Variants in LAMA2 observed in about 807,000 individuals in gnomAD.
LAMA2 encodes the protein laminin subunit alpha-2.
LAMA2 carries 269 observed loss-of-function variants against 364.8 expected under a neutral mutation model. The observed-to-expected ratio is 0.74, with a 90% CI of 0.67 to 0.82. The LOEUF is 0.82. Ranked by LOEUF, LAMA2 falls within the 40% of genes least tolerant of loss-of-function variation. The pLI, the probability that LAMA2 is intolerant of heterozygous loss-of-function variation, is 0.00. For missense variants in LAMA2, 3,807 were observed against 3,873.2 expected, an observed-to-expected ratio of 0.98 and a Z score of 0.45; for synonymous variants, 1,379 against 1,370.6, an observed-to-expected ratio of 1.01 and a Z score of -0.14.
chr6:128,989,270 A>T lies in LAMA2; in HGVS notation c.113-60648A>T, dbSNP rs569586460. On this transcript the variant is annotated intron_variant, in intron 1 of 64. Coordinates refer to ENST00000421865, the MANE Select transcript of LAMA2 (RefSeq NM_000426.4). ...AAAATCAAATATATAATATGAAGATAGAATAATGTAGAGAAGTTAAAGAGG... is the reference window on the plus strand; with the variant it reads ...AAAATCAAATATATAATATGAAGATTGAATAATGTAGAGAAGTTAAAGAGG... 8.3e-4 allele frequency among the ~76,000 whole-genome samples: 127 copies of T among 152,348 alleles called. 1 individual carries two copies. The highest frequency in any genetic ancestry group is 2.9e-3 in the African/African-American group (122 of 41,598).
chr6:129,353,479 T>G, intron 32 of LAMA2, 122 bp downstream of exon 32: 3 of 763,624 alleles, frequency 3.9e-6, no homozygotes, highest in East Asian at 2.7e-5. Flanking sequence ...AGTTATACTC[T>G]TCATTCTTTC....
intron 46 of LAMA2, among the ~76,000 whole-genome samples, chr6:129,453,388 T>C (rs1191446789): frequency 6.6e-6 from 1 of 152,204 alleles, no homozygotes; most frequent in Admixed American, 6.5e-5. Flanking sequence ...TCTGTTAAAT[T>C]ATACTTTCAG....
chr6:128,891,694 A>C (rs542686550), intron 1 of LAMA2, among the ~76,000 whole-genome samples: 32 of 152,218 alleles, frequency 2.1e-4, no homozygotes, highest in South Asian at 1.7e-3. Flanking sequence ...TGGTATACCA[A>C]ATTCAGTTGA....
chr6:129,394,051 CT>C (rs976101586), intron 37 of LAMA2, among the ~76,000 whole-genome samples: 2 of 152,108 alleles, frequency 1.3e-5, no homozygotes, highest in African/African-American at 4.8e-5. Context: ...ATTTTTTCTT[CT>C]TTTTTTTCCA....
chr6:129,021,445 G>T (rs149217082), intron 1 of LAMA2, among the ~76,000 whole-genome samples: 41 of 152,270 alleles, frequency 2.7e-4, no homozygotes, highest in Middle Eastern at 3.4e-3. Flanking sequence ...ATGTAATACA[G>T]TTTATTTCTT....
intron 1 of LAMA2, among the ~76,000 whole-genome samples, chr6:128,964,350 T>G (rs1781716035): frequency 6.6e-6 from 1 of 152,096 alleles, no homozygotes; most frequent in South Asian, 2.1e-4. Context: ...TTCTTTCTGA[T>G]AGGCTCTAAT....
chr6:129,483,549 A>AAAAT (rs1226777077), intron 55 of LAMA2, among the ~76,000 whole-genome samples: 3 of 152,198 alleles, frequency 2.0e-5, no homozygotes, highest in African/African-American at 7.2e-5. Flanking sequence ...CTCAATATTA[A>AAAAT]AAATATGTCA....
intron 1 of LAMA2, among the ~76,000 whole-genome samples, chr6:128,936,244 C>G (rs900825042): frequency 6.6e-6 from 1 of 152,142 alleles, no homozygotes; most frequent in African/African-American, 2.4e-5. Flanking sequence ...AATACAGCAC[C>G]CTTATCTTAT....
At chr6:129,251,034 CTCTCTT>C (rs1786155111) in intron 13 of LAMA2, among the ~76,000 whole-genome samples, 3 of 125,582 alleles carry the variant, frequency 2.4e-5, no homozygotes, top group South Asian at 2.7e-4. Flanking sequence ...CTCTCTGTCT[CTCTCTT>C]TCTCTCTCTC....
At chr6:129,028,034 A>G (rs1409803475) in intron 1 of LAMA2, among the ~76,000 whole-genome samples, 1 of 151,872 alleles carries the variant, frequency 6.6e-6, no homozygotes, top group Non-Finnish European at 1.5e-5. Context: ...ATAAATTATT[A>G]TAATCTTTGC....
At chr6:128,939,600 C>T (rs935917185) in intron 1 of LAMA2, among the ~76,000 whole-genome samples, 1 of 151,934 alleles carries the variant, frequency 6.6e-6, no homozygotes, top group Non-Finnish European at 1.5e-5. Context: ...GGAATTCCAC[C>T]CAACGATGAA....
chr6:129,272,080 C>T (rs1787977845), intron 17 of LAMA2, among the ~76,000 whole-genome samples: 1 of 152,124 alleles, frequency 6.6e-6, no homozygotes, highest in Non-Finnish European at 1.5e-5. Context: ...GAAGAGAAAG[C>T]ACTACTATTT....
chr6:129,198,128 A>G (rs1208237603), intron 12 of LAMA2, among the ~76,000 whole-genome samples: 1 of 152,146 alleles, frequency 6.6e-6, no homozygotes, highest in Non-Finnish European at 1.5e-5. Context: ...GGTTGGCAAC[A>G]AAACTTACGT....
intron 1 of LAMA2, among the ~76,000 whole-genome samples, chr6:128,962,076 T>C (rs1781554111): frequency 1.4e-5 from 2 of 142,466 alleles, no homozygotes; most frequent in Admixed American, 1.4e-4. Context: ...ACTCACTCCA[T>C]CCACTTTCCT....
At chr6:129,158,064 T>A in intron 8 of LAMA2, 2 of 1,612,316 alleles carry the variant, frequency 1.2e-6, no homozygotes, top group Non-Finnish European at 1.7e-6. Flanking sequence ...GGGCTTTCCT[T>A]GGGTGCCATA....
Position 129,260,800 on chromosome 6 carries a change from G to T in LAMA2, c.2186G>T (p.Gly729Val), listed in dbSNP as rs763338640. Residue 729 changes from glycine (G) to valine (V), a missense_variant, in exon 15 of 65, where the codon GGG becomes GTG. By Grantham distance (109) the Gly-to-Val change is moderately radical. This residue lies in a region of LAMA2 where 3,333 missense variants were observed against 3,345.7 expected (regional missense o/e 1.00). Coordinates refer to ENST00000421865, the MANE Select transcript of LAMA2 (RefSeq NM_000426.4). ...AAVEVCQCPP[G>V]YTGSSCESCW... Reference sequence around the variant, plus strand: ...GTAGAAGTGTGTCAGTGCCCACCAGGGTATACTGGCTCCTCTTGTGAAGTA... The same window carrying T: ...GTAGAAGTGTGTCAGTGCCCACCAGTGTATACTGGCTCCTCTTGTGAAGTA... 1.1e-5 allele frequency: 17 copies of T among 1,606,090 alleles called. No homozygotes were observed. The highest frequency in any genetic ancestry group is 1.4e-5 in the Non-Finnish European group (17 of 1,173,002).
At chr6:129,324,996 A>G (rs952556113) in intron 28 of LAMA2, among the ~76,000 whole-genome samples, 2 of 152,126 alleles carry the variant, frequency 1.3e-5, no homozygotes, top group Non-Finnish European at 2.9e-5. Flanking sequence ...GCAAAGATAC[A>G]AGATAGAGTG....
At chr6:129,157,465 A>G (rs1309436442) in intron 8 of LAMA2, 4 of 1,590,762 alleles carry the variant, frequency 2.5e-6, no homozygotes, top group Admixed American at 3.3e-5. Context: ...AATTCCACCC[A>G]TGCCATGGGT....
At chr6:129,207,032 C>T (rs1782722579) in intron 12 of LAMA2, among the ~76,000 whole-genome samples, 1 of 152,202 alleles carries the variant, frequency 6.6e-6, no homozygotes, top group Non-Finnish European at 1.5e-5. Context: ...CACACTTCAG[C>T]AGTTGCCTTG....
Sources: gnomAD v4.1 joint callset for allele counts (sites outside exome capture counted in the v4.1 genomes callset) on GRCh38, gnomAD v4.1.1 for gene constraint, gnomAD v4.1.1 regional missense constraint, MANE v1.5 for transcripts, NCBI Gene and HGNC (gene_info 2026-07-23, HGNC 2026-07-21) for gene names.